SLC14A2: variants seen among roughly 807,000 people sequenced by gnomAD.
The protein encoded by SLC14A2 is urea transporter 2.
In SLC14A2, 91 loss-of-function variants were observed where a neutral mutation model predicts 104.6. The observed-to-expected ratio is 0.87, with a 90% CI of 0.73 to 1.04. The LOEUF (loss-of-function observed/expected upper bound fraction) is 1.04. Ranked by LOEUF, SLC14A2 falls within the 50% of genes least tolerant of loss-of-function variation. The pLI is 0.00. For synonymous variants in SLC14A2, 476 were observed against 466.4 expected, an observed-to-expected ratio of 1.02 and a Z score of -0.27; for missense variants, 1,189 against 1,156.0, an observed-to-expected ratio of 1.03 and a Z score of -0.41.
chr18:45,330,140 T>C (rs2085274515), intron 1 of SLC14A2, among the ~76,000 whole-genome samples: 1 of 152,144 alleles, frequency 6.6e-6, no homozygotes, highest in Admixed American at 6.5e-5. Flanking sequence ...GATGAGTCTT[T>C]GGGTGTAAGC....
chr18:45,353,104 T>C (rs1413747421), intron 1 of SLC14A2, among the ~76,000 whole-genome samples: 1 of 152,210 alleles, frequency 6.6e-6, no homozygotes, highest in Non-Finnish European at 1.5e-5. Context: ...GACTCAGCTA[T>C]TGTTACATAA....
At chr18:45,482,614 G>A (rs566030717) in intron 1 of SLC14A2, 1 of 152,328 alleles carries the variant, frequency 6.6e-6, no homozygotes, top group African/African-American at 2.4e-5. Flanking sequence ...ATTTCTGTAG[G>A]GCAGACAGTT....
intron 1 of SLC14A2, among the ~76,000 whole-genome samples, chr18:45,380,498 A>G (rs531209070): frequency 3.9e-5 from 6 of 152,330 alleles, no homozygotes; most frequent in African/African-American, 1.4e-4. Flanking sequence ...GAAAGTAGAG[A>G]CAAGTCTATG....
At chr18:45,458,835 G>A (rs10502863) in intron 1 of SLC14A2, among the ~76,000 whole-genome samples, 43,614 of 152,080 alleles carry the variant, frequency 0.29, 6,683 homozygotes, top group Admixed American at 0.45. Context: ...CAGACACCCG[G>A]ATGAAACTTC....
At chr18:45,654,687 TAC>T (rs770040322) in intron 10 of SLC14A2, among the ~76,000 whole-genome samples, 20 of 152,252 alleles carry the variant, frequency 1.3e-4, no homozygotes, top group Non-Finnish European at 2.8e-4. Context: ...CCACGGCTTG[TAC>T]AGAGACTTGT....
chr18:45,173,985 A>G, the SLC14A2 span, among the ~76,000 whole-genome samples: 1 of 152,292 alleles, frequency 6.6e-6, no homozygotes, highest in African/African-American at 2.4e-5. Context: ...ATTGGTGGTC[A>G]TATATTAAAC....
chr18:45,377,969 T>A (rs1056743546), intron 1 of SLC14A2, among the ~76,000 whole-genome samples: 16 of 152,170 alleles, frequency 1.1e-4, no homozygotes, highest in African/African-American at 3.4e-4. Flanking sequence ...TGTTTATCTA[T>A]CTTCCTTGAA....
intron 1 of SLC14A2, among the ~76,000 whole-genome samples, chr18:45,308,229 A>G (rs999453372): frequency 1.3e-5 from 2 of 152,168 alleles, no homozygotes; most frequent in African/African-American, 4.8e-5. Context: ...TAAGTTGCTT[A>G]CTATGTGCTA....
chr18:45,227,645 T>C (rs552744744), intron 1 of SLC14A2, among the ~76,000 whole-genome samples: 2 of 152,316 alleles, frequency 1.3e-5, no homozygotes, highest in African/African-American at 2.4e-5. Flanking sequence ...GCCTGACTTT[T>C]GGAGAGGCCA....
chr18:45,223,516 CAG>C (rs960523161), intron 1 of SLC14A2, among the ~76,000 whole-genome samples: 1 of 152,180 alleles, frequency 6.6e-6, no homozygotes. Flanking sequence ...AATGGATAGT[CAG>C]AGAGGAAACT....
At chr18:45,662,981 C>T (rs897222804) in intron 10 of SLC14A2, among the ~76,000 whole-genome samples, 1 of 152,164 alleles carries the variant, frequency 6.6e-6, no homozygotes, top group Non-Finnish European at 1.5e-5. Flanking sequence ...GACCCTATCC[C>T]AAGTGATAAG....
Position 45,389,690 on chromosome 18 carries a change from A to G in SLC14A2, c.-124-93543A>G, listed in dbSNP as rs550525294. On this transcript the variant is annotated intron_variant, in intron 1 of 20. Transcript: ENST00000586448. ...TATTTGCTTACAGGTGCCAGAGGCAATATAGGCTTAGGCAAAATAAGAAAA... is the reference window on the plus strand; with the variant it reads ...TATTTGCTTACAGGTGCCAGAGGCAGTATAGGCTTAGGCAAAATAAGAAAA... Among the ~76,000 whole-genome samples, 77 of 152,338 alleles carry G rather than the reference A, an allele frequency of 5.1e-4. 1 individual carries two copies. Among genetic ancestry groups the G allele is most frequent in the African/African-American group, 1.7e-3 (72 of 41,576 alleles).
At chr18:45,473,654 T>G (rs907268863) in intron 1 of SLC14A2, among the ~76,000 whole-genome samples, 1 of 152,156 alleles carries the variant, frequency 6.6e-6, no homozygotes, top group African/African-American at 2.4e-5. Context: ...CGAACAGGAG[T>G]TCACTCATGA....
At chr18:45,623,188 G>A (rs1183382095) in intron 1 of SLC14A2, among the ~76,000 whole-genome samples, 1 of 152,304 alleles carries the variant, frequency 6.6e-6, no homozygotes, top group African/African-American at 2.4e-5. Flanking sequence ...GAAGTGGCCA[G>A]AGGAGAGATC....
At chr18:45,415,483 A>T (rs368548820) in intron 1 of SLC14A2, among the ~76,000 whole-genome samples, 3 of 152,314 alleles carry the variant, frequency 2.0e-5, no homozygotes, top group Admixed American at 6.5e-5. Flanking sequence ...CTTAATTTGA[A>T]CCAGGCCATT....
chr18:45,536,355 TG>T (rs1350364196), intron 2 of SLC14A2, among the ~76,000 whole-genome samples: 1 of 152,194 alleles, frequency 6.6e-6, no homozygotes, highest in African/African-American at 2.4e-5. Flanking sequence ...TTTCACAGTT[TG>T]GGAAGCTAGA....
At chr18:45,554,599 C>T (rs1335522365) in intron 2 of SLC14A2, among the ~76,000 whole-genome samples, 1 of 152,024 alleles carries the variant, frequency 6.6e-6, no homozygotes, top group Non-Finnish European at 1.5e-5. Context: ...GAAAACAGCT[C>T]CGTGCTGGCT....
chr18:45,245,044 C>A (rs905579723), intron 1 of SLC14A2, among the ~76,000 whole-genome samples: 7 of 152,204 alleles, frequency 4.6e-5, no homozygotes, highest in African/African-American at 1.7e-4. Context: ...GTGCCATACT[C>A]AGACATACTC....
At chr18:45,535,873 A>G (rs1415697141) in intron 2 of SLC14A2, among the ~76,000 whole-genome samples, 2 of 152,194 alleles carry the variant, frequency 1.3e-5, no homozygotes, top group Non-Finnish European at 2.9e-5. Context: ...ACTTGGAACT[A>G]TAGGCAATGA....
Sources: allele counts gnomAD v4.1 joint callset (sites outside exome capture counted in the v4.1 genomes callset), GRCh38; gene constraint gnomAD v4.1.1; transcripts MANE v1.5; gene names NCBI Gene and HGNC (gene_info 2026-07-23, HGNC 2026-07-21).